The following SMYD3 variants were observed in gnomAD, a reference collection of about 807,000 sequenced individuals.
SMYD3 encodes histone-lysine N-methyltransferase SMYD3.
A neutral mutation model predicts 57.7 loss-of-function variants in SMYD3; 36 were observed. The observed-to-expected ratio is 0.62, with a 90% CI of 0.48 to 0.82. The LOEUF (loss-of-function observed/expected upper bound fraction) is 0.82, where lower values mean the gene tolerates loss of function less well. Among genes scored for constraint, SMYD3 ranks in the 40% least tolerant of loss-of-function variants. The probability of loss-of-function intolerance (pLI) is 0.00; values close to 1 mark genes in which losing one functional copy is unlikely to be tolerated. For missense variants in SMYD3, 515 were observed against 538.8 expected, an observed-to-expected ratio of 0.96 and a Z score of 0.44; for synonymous variants, 211 against 195.0, an observed-to-expected ratio of 1.08 and a Z score of -0.68.
At chr1:246,478,164 T>G (rs2068052017) in intron 1 of SMYD3, among the ~76,000 whole-genome samples, 1 of 152,166 alleles carries the variant, frequency 6.6e-6, no homozygotes, top group African/African-American at 2.4e-5. Flanking sequence ...CCAAAACAAT[T>G]TAAAAAAATT....
chr1:246,095,902 G>A (rs1292011701), intron 5 of SMYD3, among the ~76,000 whole-genome samples: 1 of 152,102 alleles, frequency 6.6e-6, no homozygotes, highest in African/African-American at 2.4e-5. Context: ...GTAAATAAAG[G>A]AGAAATGGCC....
At chr1:245,776,679 A>G (rs1259473846) in intron 10 of SMYD3, among the ~76,000 whole-genome samples, 1 of 152,208 alleles carries the variant, frequency 6.6e-6, no homozygotes, top group African/African-American at 2.4e-5. Flanking sequence ...CAGGTGTTGG[A>G]AGGTGCCGTA....
At chr1:246,111,448 T>A (rs1362026773) in intron 5 of SMYD3, 2 of 152,230 alleles carry the variant, frequency 1.3e-5, no homozygotes, top group Admixed American at 1.3e-4. Flanking sequence ...AAAGACAGAC[T>A]TGAGTGCAGT....
chr1:246,342,511 G>A (rs1409243484), intron 2 of SMYD3, among the ~76,000 whole-genome samples: 1 of 152,164 alleles, frequency 6.6e-6, no homozygotes, highest in Admixed American at 6.5e-5. Flanking sequence ...AAGAAAACTG[G>A]AAGGCTAAGC....
rs138469422 is a variant in SMYD3, at chr1:245,760,590, C to T, written c.1185+3451G>A. ...GGGGGAGGCTTTTAAAGACTTCTATCCATTAAAAAAATCCATTCATTCAAG... is the reference window on the plus strand; with the variant it reads ...GGGGGAGGCTTTTAAAGACTTCTATTCATTAAAAAAATCCATTCATTCAAG... On this transcript the variant is annotated intron_variant, in intron 11 of 11. Transcript: ENST00000490107. Among the ~76,000 whole-genome samples, 904 of 152,156 alleles carry T rather than the reference C, an allele frequency of 5.9e-3. 7 individuals are homozygous for T. The highest frequency in any genetic ancestry group is 0.01 in the Non-Finnish European group (688 of 67,998).
intron 1 of SMYD3, among the ~76,000 whole-genome samples, chr1:246,366,169 G>A (rs1004628756): frequency 1.3e-5 from 2 of 151,996 alleles, no homozygotes; most frequent in African/African-American, 4.8e-5. Context: ...CCAAAAAAAC[G>A]CTATAATAAA....
At chr1:246,474,335 C>G (rs921914920) in intron 1 of SMYD3, among the ~76,000 whole-genome samples, 6 of 152,102 alleles carry the variant, frequency 3.9e-5, no homozygotes, top group East Asian at 3.9e-4. Context: ...CTGGCTAACA[C>G]GGTGAAATCC....
At chr1:246,450,920 C>G (rs935753265) in intron 1 of SMYD3, among the ~76,000 whole-genome samples, 1 of 152,126 alleles carries the variant, frequency 6.6e-6, no homozygotes, top group African/African-American at 2.4e-5. Flanking sequence ...AATTAAGGTG[C>G]CAACTGTTCA....
intron 10 of SMYD3, among the ~76,000 whole-genome samples, chr1:245,813,551 C>A (rs2048615639): frequency 1.3e-5 from 2 of 152,122 alleles, no homozygotes. Context: ...TAGTAATTAT[C>A]TAAAAAGAGA....
chr1:246,271,602 G>A (rs564221739), intron 5 of SMYD3, among the ~76,000 whole-genome samples: 2 of 152,236 alleles, frequency 1.3e-5, no homozygotes, highest in Non-Finnish European at 2.9e-5. Flanking sequence ...AAAATCATTT[G>A]ACCATATAGG....
intron 5 of SMYD3, among the ~76,000 whole-genome samples, chr1:245,952,519 C>T (rs1262970392): frequency 6.6e-6 from 1 of 152,074 alleles, no homozygotes; most frequent in Non-Finnish European, 1.5e-5. Flanking sequence ...ATCAGAAAGC[C>T]GATCCTCAGA....
At chr1:246,001,180 T>G (rs1452266092) in intron 5 of SMYD3, among the ~76,000 whole-genome samples, 1 of 152,208 alleles carries the variant, frequency 6.6e-6, no homozygotes, top group Admixed American at 6.5e-5. Flanking sequence ...AACGCTGCCT[T>G]CCCACCTATT....
At position 245,907,151 on chromosome 1, in the gene SMYD3, A is replaced by C. The variant is rs892209725; in HGVS notation, c.813+8379T>G. On this transcript the variant is annotated intron_variant, in intron 8 of 11. Coordinates refer to ENST00000490107, the MANE Select transcript of SMYD3 (RefSeq NM_001167740.2). ...GAATGGGTAAGACCTACTATTTGAT[A>C]GCACAATAGGGTGACTATAGTCAAT... 3.3e-5 allele frequency among the ~76,000 whole-genome samples: 5 copies of C among 152,206 alleles called. No homozygotes were observed. In the East Asian group the frequency reaches 9.6e-4, roughly 29 times the overall value.
At chr1:245,945,527 A>G (rs1370690155) in intron 5 of SMYD3, among the ~76,000 whole-genome samples, 1 of 152,224 alleles carries the variant, frequency 6.6e-6, no homozygotes, top group Non-Finnish European at 1.5e-5. Flanking sequence ...ATGAGAATGT[A>G]AATTTGTTCA....
At chr1:245,876,551 A>G (rs2052498094) in intron 8 of SMYD3, among the ~76,000 whole-genome samples, 1 of 152,204 alleles carries the variant, frequency 6.6e-6, no homozygotes, top group Admixed American at 6.5e-5. Flanking sequence ...TGTCTGCTCA[A>G]TCTACAGTTC....
intron 5 of SMYD3, among the ~76,000 whole-genome samples, chr1:246,147,318 G>A (rs2061864563): frequency 6.6e-6 from 1 of 152,190 alleles, no homozygotes; most frequent in East Asian, 1.9e-4. Context: ...GTCATGTCAG[G>A]AGCCATAGGT....
intron 1 of SMYD3, among the ~76,000 whole-genome samples, chr1:246,383,340 T>G (rs1053583200): frequency 2.0e-5 from 3 of 152,116 alleles, no homozygotes; most frequent in Admixed American, 2.0e-4. Flanking sequence ...GAGAACGTTC[T>G]CCTCCCAAAA....
At chr1:245,769,830 C>T (rs1223623054) in intron 10 of SMYD3, among the ~76,000 whole-genome samples, 1 of 147,366 alleles carries the variant, frequency 6.8e-6, no homozygotes, top group African/African-American at 2.5e-5. Flanking sequence ...CAAATACCAA[C>T]ATCTGTGGAT....
intron 1 of SMYD3, among the ~76,000 whole-genome samples, chr1:246,438,222 T>C (rs1011773528): frequency 1.3e-5 from 2 of 152,224 alleles, no homozygotes; most frequent in Admixed American, 1.3e-4. Flanking sequence ...GGAATTTTTA[T>C]ATATGAGATC....
Sources: allele counts gnomAD v4.1 joint callset (sites outside exome capture counted in the v4.1 genomes callset), GRCh38; gene constraint gnomAD v4.1.1; transcripts MANE v1.5; gene names NCBI Gene and HGNC (gene_info 2026-07-23, HGNC 2026-07-21).